Variants in MMS19 observed in about 807,000 individuals in gnomAD.
MMS19 encodes MMS19 cytosolic iron-sulfur assembly component.
MMS19 carries 77 observed loss-of-function variants against 129.8 expected under a neutral mutation model. That is an observed-to-expected ratio of 0.59 (90% CI 0.49 to 0.72). The LOEUF is 0.72. Among genes scored for constraint, MMS19 ranks in the 30% least tolerant of loss-of-function variants. The pLI is 0.00. For synonymous variants in MMS19, 491 were observed against 502.8 expected (o/e 0.98, Z 0.31); for missense variants, 1,168 against 1,266.3 (o/e 0.92, Z 1.18).
intron 1 of MMS19, among the ~76,000 whole-genome samples, chr10:97,487,670 A>T (rs908340079): frequency 6.6e-6 from 1 of 152,172 alleles, no homozygotes; most frequent in African/African-American, 2.4e-5. Flanking sequence ...GCCCTAAAAG[A>T]TTGGTTTTAA....
At chr10:97,465,771 G>C (rs761741926) in intron 18 of MMS19, 34 bp downstream of exon 18, 19 of 1,595,910 alleles carry the variant, frequency 1.2e-5, no homozygotes, top group Non-Finnish European at 1.5e-5. Flanking sequence ...TCCCTATTCA[G>C]CCCAGTCCGT....
At chr10:97,471,622 T>C (rs999805369) in intron 8 of MMS19, among the ~76,000 whole-genome samples, 2 of 152,130 alleles carry the variant, frequency 1.3e-5, no homozygotes, top group African/African-American at 4.8e-5. Flanking sequence ...GTGATTCTCA[T>C]GTCTCAACCT....
upstream of MMS19, chr10:97,498,434 G>A: frequency 1.9e-6 from 3 of 1,551,334 alleles, no homozygotes; most frequent in African/African-American, 2.7e-5. Flanking sequence ...GCTCGAGACG[G>A]GCTCTCCGCG....
Position 97,459,903 on chromosome 10 carries a change from G to C in MMS19, c.2656+143C>G, listed in dbSNP as rs375192038. The C allele has an allele frequency of 2.0e-5, 21 of 1,033,400 alleles. No homozygotes were observed. The African/African-American group carries it at 2.4e-4, about 12-fold the overall frequency. 64.0% of individuals were successfully genotyped at this position (1,033,400 alleles called of 1,614,324 possible). A position where few individuals can be genotyped will look rare whatever the true frequency, so the allele number is the denominator to read the frequency against. On this transcript the variant is annotated intron_variant, in intron 26 of 30. Coordinates refer to ENST00000438925, the MANE Select transcript of MMS19 (RefSeq NM_022362.5). Reference sequence around the variant, plus strand: ...ATACGCCCATGAAAGGAAGAAGTGGGACAAGAATCTAGAAGTTTAGTCTTC... The same window carrying C: ...ATACGCCCATGAAAGGAAGAAGTGGCACAAGAATCTAGAAGTTTAGTCTTC...
intron 2 of MMS19, among the ~76,000 whole-genome samples, chr10:97,482,214 T>C (rs992084749): frequency 5.3e-5 from 8 of 152,134 alleles, no homozygotes; most frequent in African/African-American, 9.7e-5. Context: ...ATTTGGAGCA[T>C]TTAAAAATGG....
At chr10:97,496,543 C>A (rs2135600105) in intron 1 of MMS19, among the ~76,000 whole-genome samples, 1 of 150,106 alleles carries the variant, frequency 6.7e-6, no homozygotes, top group South Asian at 2.1e-4. Flanking sequence ...GAAGAATTTG[C>A]AGTCCTTATT....
Position 97,459,682 on chromosome 10 carries a change from C to T in MMS19, c.2716G>A (p.Val906Ile). Residue 906 changes from valine (V) to isoleucine (I), a missense_variant, in exon 27 of 31, where the codon GTA (valine) becomes ATA (isoleucine). This residue lies in a region of MMS19 where 831 missense variants were observed against 910.8 expected (regional missense o/e 0.91). Transcript: ENST00000438925. Reference protein sequence around the residue: ...SHVLNRLPKPVLLPELPTLLS... With the variant: ...SHVLNRLPKPILLPELPTLLS... ...ACCGTGGGCAGCTCTGGCAAGAGTA[C>T]AGGCTTGGGCAGCCTGTTAAGTACA... 4 of 1,612,352 alleles carry T rather than the reference C, an allele frequency of 2.5e-6. No homozygotes were observed. The highest frequency in any genetic ancestry group is 2.5e-6 in the Non-Finnish European group (3 of 1,179,214).
At position 97,498,253 on chromosome 10, in the gene MMS19, C is replaced by G; in HGVS notation, c.112+20G>C. On this transcript the variant is annotated intron_variant, in intron 1 of 30. Coordinates refer to ENST00000438925, the MANE Select transcript of MMS19 (RefSeq NM_022362.5). ...CCTGTTGGCCCCCATGCGGAAGGCG[C>G]GCGGCGCCGTCTGCCGTACCTGCAG... The G allele has an allele frequency of 6.5e-7, 1 of 1,536,564 alleles. No individual in the cohort carries two copies. The highest frequency in any genetic ancestry group is 1.4e-5 in the African/African-American group (1 of 72,516).
At chr10:97,477,016 G>C (rs2035900451) in intron 6 of MMS19, 53 bp from the exon 7 acceptor site, 6 of 1,609,256 alleles carry the variant, frequency 3.7e-6, no homozygotes, top group Non-Finnish European at 5.1e-6. Context: ...AGAAAGTGTG[G>C]GCTTTCTCCT....
intron 5 of MMS19, among the ~76,000 whole-genome samples, chr10:97,477,641 G>A (rs2035996094): frequency 6.6e-6 from 1 of 152,162 alleles, no homozygotes; most frequent in Admixed American, 6.5e-5. Context: ...CTTTCTGTAG[G>A]TATAAGAGGA....
chr10:97,485,588 G>A (rs900172595), intron 1 of MMS19, among the ~76,000 whole-genome samples: 2 of 152,182 alleles, frequency 1.3e-5, no homozygotes, highest in South Asian at 2.1e-4. Context: ...TGGGATTACA[G>A]GCATGAGCCA....
intron 1 of MMS19, among the ~76,000 whole-genome samples, chr10:97,492,117 TAC>T (rs1435270296): frequency 2.3e-5 from 3 of 131,530 alleles, no homozygotes; most frequent in Non-Finnish European, 4.7e-5. Flanking sequence ...CAGCCTGGGC[TAC>T]AGAGTGAAAC....
intron 1 of MMS19, among the ~76,000 whole-genome samples, chr10:97,496,789 CAAAAT>C (rs2039877544): frequency 6.6e-6 from 1 of 152,058 alleles, no homozygotes; most frequent in Non-Finnish European, 1.5e-5. Context: ...CATTTTACAT[CAAAAT>C]AAACCGTCAA....
chr10:97,463,782 AC>A, intron 19 of MMS19, 75 bp downstream of exon 19: 2 of 1,279,684 alleles, frequency 1.6e-6, no homozygotes, highest in Non-Finnish European at 1.1e-6. Context: ...TACCACCAAT[AC>A]CCAGAGGGTG....
rs752623124 is a variant in MMS19 at position 97,458,893 on chromosome 10, G to A, written c.2972C>T (p.Pro991Leu). The change falls in exon 30 of 31, where the codon CCG (proline) becomes CTG (leucine). Residue 991 changes from proline to leucine, a missense_variant. This residue lies in a region of MMS19 where 831 missense variants were observed against 910.8 expected (regional missense o/e 0.91). Coordinates refer to ENST00000438925, the MANE Select transcript of MMS19 (RefSeq NM_022362.5). The stretch of plus-strand genomic sequence containing the variant: ...GGCCCGAATCACCTGTGGTTTGTAC[G>A]GCAGCAGCTGTGGAGTCAGAGGATA... Reference protein sequence around the residue: ...LTRLPTPVLLPYKPQVIRALA... With the variant: ...LTRLPTPVLLLYKPQVIRALA... 3.1e-6 allele frequency: 5 copies of A among 1,613,808 alleles called. No individual in the cohort carries two copies. In the African/African-American group the frequency reaches 4.0e-5, roughly 13 times the overall value.
intron 14 of MMS19, 48 bp from the exon 15 acceptor site, chr10:97,466,949 T>C (rs1417814044): frequency 3.7e-6 from 6 of 1,609,626 alleles, no homozygotes; most frequent in Non-Finnish European, 5.1e-6. Context: ...CTGCATTCCA[T>C]ATCCCTGACT....
chr10:97,489,330 T>C (rs1293360056), intron 1 of MMS19, among the ~76,000 whole-genome samples: 1 of 152,232 alleles, frequency 6.6e-6, no homozygotes. Context: ...AAGGAACTAA[T>C]AACATTTGTT....
intron 8 of MMS19, among the ~76,000 whole-genome samples, chr10:97,475,211 A>AGTGT (rs10590709): frequency 2.7e-4 from 41 of 150,888 alleles, no homozygotes; most frequent in South Asian, 6.3e-4. Flanking sequence ...GTACAGGAGA[A>AGTGT]GTGTGTGTGT....
In MMS19 at chr10:97,460,136, C is replaced by T. The variant is rs770795377; in HGVS notation, c.2566G>A (p.Gly856Ser). 2.5e-5 allele frequency: 40 copies of T among 1,614,026 alleles called. 1 individual carries two copies. The South Asian group carries it at 4.4e-4, about 18-fold the overall frequency. ...AACATGATCCGCACTTCGGCATGGC[C>T]AGCACGAGTCAGCACATCAGTGCAG... ...SDCTDVLTRA[G>S]HAEVRIMFRQ... Residue 856 changes from glycine (G) to serine (S), a missense_variant, in exon 26 of 31, where the codon GGC becomes AGC. Gly to Ser is a moderately conservative substitution (Grantham distance 56). Coordinates refer to ENST00000438925, the MANE Select transcript of MMS19 (RefSeq NM_022362.5).
Sources: gnomAD v4.1 joint callset for allele counts (sites outside exome capture counted in the v4.1 genomes callset) on GRCh38, gnomAD v4.1.1 for gene constraint, gnomAD v4.1.1 regional missense constraint, MANE v1.5 for transcripts, NCBI Gene and HGNC (gene_info 2026-07-23, HGNC 2026-07-21) for gene names.